The following MLN variants were observed in gnomAD, a reference collection of about 807,000 sequenced individuals.
MLN encodes the protein promotilin.
A neutral mutation model predicts 13.3 loss-of-function variants in MLN; 14 were observed. That is an observed-to-expected ratio of 1.05 (90% CI 0.69 to 1.64). The LOEUF is 1.64. Ranked by LOEUF, MLN falls within the 40% of genes most tolerant of loss-of-function variation. The pLI is 0.00. For synonymous variants in MLN, 59 were observed against 54.7 expected, an observed-to-expected ratio of 1.08 and a Z score of -0.34; for missense variants, 122 against 142.9, an observed-to-expected ratio of 0.85 and a Z score of 0.75.
Position 33,794,749 on chromosome 6 carries a change from G to A in MLN, c.*76C>T. The A allele has an allele frequency of 6.4e-7, 1 of 1,566,156 alleles. No individual in the cohort carries two copies. The highest frequency in any genetic ancestry group is 1.2e-5 in the South Asian group (1 of 86,414). ...TTTTCCTTCCAAGCCCAGCTGGCAG[G>A]CTCTGTAAATTCCCAGGGCCTCACT... On this transcript the variant is annotated 3_prime_UTR_variant, in exon 5 of 5. Coordinates refer to ENST00000430124, the MANE Select transcript of MLN (RefSeq NM_002418.3).
Position 33,796,332 on chromosome 6 carries a change from G to A in MLN, c.235-727C>T, listed in dbSNP as rs557583060. The stretch of plus-strand genomic sequence containing the variant: ...GGCCGCACAGATGGTAAGGAGCAGA[G>A]GAAGAAGACGGTACACCCAAGGGGC... On this transcript the variant is annotated intron_variant, in intron 3 of 4. Transcript: ENST00000430124. 5.4e-4 allele frequency among the ~76,000 whole-genome samples: 82 copies of A among 151,644 alleles called. No homozygotes were observed. The South Asian group carries it at 0.014, about 27-fold the overall frequency.
chr6:33,794,943 G>A, intron 4 of MLN, 108 bp from the exon 5 acceptor site: 2 of 1,415,898 alleles, frequency 1.4e-6, no homozygotes, highest in Middle Eastern at 1.8e-4. Context: ...ACAAGGGCAG[G>A]CTGGGCGGGA....
chr6:33,801,700 A>G (rs1453907679), intron 1 of MLN, among the ~76,000 whole-genome samples: 1 of 152,356 alleles, frequency 6.6e-6, no homozygotes, highest in Non-Finnish European at 1.5e-5. Context: ...GCAAAGGATG[A>G]GCCAGATGGA....
In MLN at chr6:33,801,134, C is replaced by T; in HGVS notation, c.30G>A (p.Leu10=). 1 of 1,613,990 alleles carries T rather than the reference C, an allele frequency of 6.2e-7. No homozygotes were observed. Among genetic ancestry groups the T allele is most frequent in the South Asian group, 1.1e-5 (1 of 91,074 alleles). ...GCATGGCAGCTACATGCACCACCAG[C>T]AGAGCAGCCACAGCCTTACGGGATA... MVSRKAVAA[L]LVVHVAAMLA... is the part of the protein sequence containing the mutation. Residue 10 remains leucine (L), a synonymous_variant, in exon 2 of 5, where the codon CTG becomes CTA. Coordinates refer to ENST00000430124, the MANE Select transcript of MLN (RefSeq NM_002418.3).
At position 33,795,546 on chromosome 6, in the gene MLN, C is replaced by T. The variant is rs760847125; in HGVS notation, c.294G>A (p.Pro98=). The T allele has an allele frequency of 4.5e-6, 7 of 1,567,370 alleles. No homozygotes were observed. Among genetic ancestry groups the T allele is most frequent in the East Asian group, 4.6e-5 (2 of 43,078 alleles). The change falls in exon 4 of 5, where the codon CCG becomes CCA. Residue 98 remains proline (P), a synonymous_variant. Coordinates refer to ENST00000430124, the MANE Select transcript of MLN (RefSeq NM_002418.3). ...RMNSRQLEKY[P]ATLEGLLSEM... Reference sequence around the variant, plus strand: ...CACTCAGCAGCCCTTCCAGGGTGGCCGGGTACTTTTCCAGCTGTCTGGAGT... The same window carrying T: ...CACTCAGCAGCCCTTCCAGGGTGGCTGGGTACTTTTCCAGCTGTCTGGAGT...
At chr6:33,798,018 ACCTGGAAGGCTCTTCCCCCAGAAAT>A (rs1434290343) in intron 3 of MLN, among the ~76,000 whole-genome samples, 1 of 152,010 alleles carries the variant, frequency 6.6e-6, no homozygotes, top group East Asian at 1.9e-4. Flanking sequence ...TGTTGCTTCC[ACCTGGAAGGCTCTTCCCCCAGAAAT>A]CCTTGTGGTT....
intron 3 of MLN, among the ~76,000 whole-genome samples, chr6:33,797,895 C>A (rs1435426923): frequency 6.6e-6 from 1 of 152,194 alleles, no homozygotes; most frequent in Non-Finnish European, 1.5e-5. Context: ...AATGGAGAGT[C>A]CAGTGGCCTG....
Position 33,803,234 on chromosome 6 carries a change from C to T in MLN, c.-8+719G>A, listed in dbSNP as rs908925291. Among the ~76,000 whole-genome samples, 4 of 152,082 alleles carry T rather than the reference C, an allele frequency of 2.6e-5. No individual in the cohort carries two copies. Among genetic ancestry groups the T allele is most frequent in the Non-Finnish European group, 4.4e-5 (3 of 68,002 alleles). ...ACCGTCTGCCCTCCCTTGCAGCACCCCTGGCCGGGCTAGCCTTGCCTCCCC... is the reference window on the plus strand; with the variant it reads ...ACCGTCTGCCCTCCCTTGCAGCACCTCTGGCCGGGCTAGCCTTGCCTCCCC... On this transcript the variant is annotated intron_variant, in intron 1 of 4. Transcript: ENST00000430124. This position sits in a 1 kb window ranked among gnomAD's most constrained non-coding sequence, Gnocchi z 4.5.
chr6:33,795,580 A>C lies in MLN; in HGVS notation c.260T>G (p.Met87Arg), dbSNP rs375384784. 4 of 1,561,552 alleles carry C rather than the reference A, an allele frequency of 2.6e-6. No homozygotes were observed. The highest frequency in any genetic ancestry group is 1.7e-4 in the Middle Eastern group (1 of 5,958). Residue 87 changes from methionine (M) to arginine (R), a missense_variant, in exon 4 of 5, where the codon ATG (methionine) becomes AGG (arginine). Physicochemically the swap from Met to Arg is moderately conservative, Grantham distance 91 (BLOSUM62 -1). Transcript: ENST00000430124. ...IKLTAPLEIG[M>R]RMNSRQLEKY... ...TTCCAGCTGTCTGGAGTTCATCCTCATTCCAATTTCCAGAGGAGCAGTCAG... is the reference window on the plus strand; with the variant it reads ...TTCCAGCTGTCTGGAGTTCATCCTCCTTCCAATTTCCAGAGGAGCAGTCAG...
At chr6:33,800,534 C>T (rs1768018521) in intron 2 of MLN, among the ~76,000 whole-genome samples, 1 of 152,244 alleles carries the variant, frequency 6.6e-6, no homozygotes, top group Non-Finnish European at 1.5e-5. Context: ...CTGAGTTCCA[C>T]CTTTTCCCTG....
At position 33,794,887 on chromosome 6, in the gene MLN, A is replaced by G. The variant is rs767709654; in HGVS notation, c.338-52T>C. On this transcript the variant is annotated intron_variant, in intron 4 of 4. Transcript: ENST00000430124. The stretch of plus-strand genomic sequence containing the variant: ...AGTACCATCATCAGGTCTGCTTATG[A>G]AACTGCCCTCTAAAACTTGCCTGCA... 3.1e-6 allele frequency: 5 copies of G among 1,605,728 alleles called. No individual in the cohort carries two copies. In the South Asian group the frequency reaches 4.5e-5, roughly 14 times the overall value.
At chr6:33,802,302 G>A (rs1231784971) in intron 1 of MLN, among the ~76,000 whole-genome samples, 3 of 152,150 alleles carry the variant, frequency 2.0e-5, no homozygotes, top group South Asian at 4.1e-4. Flanking sequence ...AAGCAGGGAG[G>A]GGAGGCCGGG....
chr6:33,801,225 C>T, intron 1 of MLN, 55 bp from the exon 2 acceptor site: 1 of 1,358,034 alleles, frequency 7.4e-7, no homozygotes, highest in Admixed American at 1.7e-5. Flanking sequence ...TGGCAGACTG[C>T]TGTGTCCGAG....
Position 33,795,553 on chromosome 6 carries a change from T to C in MLN, c.287A>G (p.Lys96Arg). The C allele has an allele frequency of 6.4e-7, 1 of 1,567,690 alleles. No homozygotes were observed. The highest frequency in any genetic ancestry group is 8.7e-7 in the Non-Finnish European group (1 of 1,154,660). The part of the protein sequence containing the change: ...GMRMNSRQLE[K>R]YPATLEGLLS... ...CAGCCCTTCCAGGGTGGCCGGGTAC[T>C]TTTCCAGCTGTCTGGAGTTCATCCT... Residue 96 changes from lysine (K) to arginine (R), a missense_variant, in exon 4 of 5, where the codon AAG (lysine) becomes AGG (arginine). Lys to Arg is a conservative substitution (Grantham distance 26, BLOSUM62 2). Transcript: ENST00000430124.
chr6:33,802,388 G>A (rs1490497930), intron 1 of MLN, among the ~76,000 whole-genome samples: 1 of 152,130 alleles, frequency 6.6e-6, no homozygotes, highest in Non-Finnish European at 1.5e-5. Context: ...CAGTCCCCAG[G>A]CAGCCTGGAT....
At position 33,801,818 on chromosome 6, in the gene MLN, G is replaced by C. The variant is rs144231776; in HGVS notation, c.-7-648C>G. Reference sequence around the variant, plus strand: ...CCCGCCCCGTGCTCCAGTGCATCTAGCTGCCTTTGGCCACCATCCTGAAAC... The same window carrying C: ...CCCGCCCCGTGCTCCAGTGCATCTACCTGCCTTTGGCCACCATCCTGAAAC... On this transcript the variant is annotated intron_variant, in intron 1 of 4. Transcript: ENST00000430124. Among the ~76,000 whole-genome samples, 406 of 152,390 alleles carry C rather than the reference G, an allele frequency of 2.7e-3. 1 individual carries two copies. Among genetic ancestry groups the C allele is most frequent in the African/African-American group, 9.4e-3 (390 of 41,598 alleles).
intron 3 of MLN, among the ~76,000 whole-genome samples, chr6:33,797,962 C>A (rs1009846774): frequency 3.3e-5 from 5 of 152,220 alleles, no homozygotes; most frequent in Non-Finnish European, 7.3e-5. Flanking sequence ...CCTCACTCTT[C>A]CTGAATGCAC....
rs1216235977 is a variant in MLN at position 33,799,965 on chromosome 6, C to A, written c.118-744G>T. On this transcript the variant is annotated intron_variant, in intron 2 of 4. Transcript: ENST00000430124. The surrounding 1 kb of genome is among the most constrained non-coding windows in gnomAD (Gnocchi z 4.6). ...GCCCTGAGACGTGGTGATTCTAGAA[C>A]AAACAGTCATCCTGTGGGGAGTGTG... 1.3e-5 allele frequency among the ~76,000 whole-genome samples: 2 copies of A among 152,182 alleles called. No homozygotes were observed. The highest frequency in any genetic ancestry group is 2.4e-5 in the African/African-American group (1 of 41,436).
At chr6:33,801,224 G>A in intron 1 of MLN, 54 bp from the exon 2 acceptor site, 1 of 1,362,132 alleles carries the variant, frequency 7.3e-7, no homozygotes, top group Non-Finnish European at 1.0e-6. Flanking sequence ...GTGGCAGACT[G>A]CTGTGTCCGA....
Sources: allele counts gnomAD v4.1 joint callset (sites outside exome capture counted in the v4.1 genomes callset), GRCh38; gene constraint gnomAD v4.1.1; non-coding constraint Gnocchi (gnomAD v3.1); transcripts MANE v1.5; gene names NCBI Gene and HGNC (gene_info 2026-07-23, HGNC 2026-07-21).